The following PRKN variants were observed in gnomAD, a reference collection of about 807,000 sequenced individuals.
PRKN encodes E3 ubiquitin-protein ligase parkin.
Under a neutral mutation model 59.5 loss-of-function variants are expected in PRKN, and 56 were observed. The ratio of observed to expected loss-of-function variants is 0.94; its 90% CI spans 0.76 to 1.18. The LOEUF is 1.18. Ranked by LOEUF, PRKN falls within the 50% of genes most tolerant of loss-of-function variation. The pLI is 0.00. For synonymous variants in PRKN, 250 were observed against 222.1 expected (o/e 1.13, Z -1.12); for missense variants, 657 against 596.4 (o/e 1.10, Z -1.06).
chr6:162,603,678 A>G (rs1368124860), intron 1 of PRKN, among the ~76,000 whole-genome samples: 1 of 152,234 alleles, frequency 6.6e-6, no homozygotes, highest in Non-Finnish European at 1.5e-5. Flanking sequence ...ATTGCAAAAG[A>G]AAAGTTTTAA....
At chr6:161,351,843 C>T (rs1784564904) in intron 11 of PRKN, among the ~76,000 whole-genome samples, 1 of 152,166 alleles carries the variant, frequency 6.6e-6, no homozygotes, top group African/African-American at 2.4e-5. Context: ...TCACCAAGGT[C>T]TGTGTGATTC....
chr6:162,421,910 A>C (rs1441960757), intron 2 of PRKN, among the ~76,000 whole-genome samples: 3 of 152,232 alleles, frequency 2.0e-5, no homozygotes, highest in Non-Finnish European at 4.4e-5. Context: ...TATAAAATAA[A>C]AATAATTTAT....
intron 2 of PRKN, among the ~76,000 whole-genome samples, chr6:162,311,484 T>C (rs905583112): frequency 4.8e-5 from 7 of 146,494 alleles, no homozygotes; most frequent in Admixed American, 2.0e-4. Flanking sequence ...TTTTTTCCTT[T>C]TTTTTTTTTT....
At chr6:162,667,052 A>G (rs1779129617) in intron 1 of PRKN, among the ~76,000 whole-genome samples, 1 of 152,132 alleles carries the variant, frequency 6.6e-6, no homozygotes, top group African/African-American at 2.4e-5. Flanking sequence ...ATCAAGTACA[A>G]TAAAGAAAAT....
Position 161,484,492 on chromosome 6 carries a change from T to C in PRKN, c.1083+64362A>G, listed in dbSNP as rs1012323121. 6.6e-6 allele frequency among the ~76,000 whole-genome samples: 1 copy of C among 152,160 alleles called. No homozygotes were observed. The highest frequency in any genetic ancestry group is 1.5e-5 in the Non-Finnish European group (1 of 68,030). On this transcript the variant is annotated intron_variant, in intron 9 of 11. Transcript: ENST00000366898. The surrounding 1 kb of genome is among the most constrained non-coding windows in gnomAD (Gnocchi z 4.9). Reference sequence around the variant, plus strand: ...TCGATTAGTTTCATTTTTACAACCATCTTTGCCCTGTGAAATAGGACATGG... The same window carrying C: ...TCGATTAGTTTCATTTTTACAACCACCTTTGCCCTGTGAAATAGGACATGG...
At position 162,083,016 on chromosome 6, in the gene PRKN, G is replaced by A. The variant is rs190372718; in HGVS notation, c.535-28842C>T. On this transcript the variant is annotated intron_variant, in intron 4 of 11. Transcript: ENST00000366898. ...TATTGCTCAGGCTGGATGCAGTGGC[G>A]CGATGTCAGCTCACTGCAACCTCTG... is the stretch of plus-strand genomic sequence containing the variant. Among the ~76,000 whole-genome samples, 57 of 151,962 alleles carry A rather than the reference G, an allele frequency of 3.8e-4. 1 individual carries two copies. The highest frequency in any genetic ancestry group is 1.5e-3 in the South Asian group (7 of 4,804).
At chr6:161,780,986 CT>C (rs1444720378) in intron 7 of PRKN, among the ~76,000 whole-genome samples, 2 of 152,172 alleles carry the variant, frequency 1.3e-5, no homozygotes, top group Non-Finnish European at 2.9e-5. Context: ...ACAAACCGAA[CT>C]ATATTTTCTC....
intron 7 of PRKN, among the ~76,000 whole-genome samples, chr6:161,716,389 T>A (rs756509597): frequency 1.3e-5 from 2 of 152,128 alleles, no homozygotes; most frequent in Admixed American, 6.5e-5. Context: ...CCTAAATGTA[T>A]AGAAATCTGT....
intron 1 of PRKN, among the ~76,000 whole-genome samples, chr6:162,575,572 G>A (rs1044674006): frequency 3.9e-5 from 6 of 152,114 alleles, no homozygotes; most frequent in Non-Finnish European, 8.8e-5. Context: ...TAGTCTCTAT[G>A]CTGATACATG....
intron 5 of PRKN, among the ~76,000 whole-genome samples, chr6:162,022,824 T>G (rs1783260016): frequency 6.6e-6 from 1 of 152,192 alleles, no homozygotes; most frequent in African/African-American, 2.4e-5. Context: ...CATCTTGAGT[T>G]AATTTTTGCA....
chr6:162,091,659 G>A (rs1343964972), intron 4 of PRKN, among the ~76,000 whole-genome samples: 1 of 152,134 alleles, frequency 6.6e-6, no homozygotes, highest in Non-Finnish European at 1.5e-5. Flanking sequence ...CACCTTGATT[G>A]GAAACAGAGA....
In PRKN at chr6:162,073,767, A is replaced by G. The variant is rs529704359; in HGVS notation, c.535-19593T>C. Among the ~76,000 whole-genome samples the G allele has an allele frequency of 1.6e-4, 24 of 152,314 alleles. 1 individual carries two copies. The South Asian group carries it at 4.8e-3, about 30-fold the overall frequency. On this transcript the variant is annotated intron_variant, in intron 4 of 11. Transcript: ENST00000366898. ...GCCCTCAGCCCTCTACAGCTTTTAAAACATAATTTGGCAGATAATTCACTT... is the reference window on the plus strand; with the variant it reads ...GCCCTCAGCCCTCTACAGCTTTTAAGACATAATTTGGCAGATAATTCACTT...
intron 7 of PRKN, among the ~76,000 whole-genome samples, chr6:161,709,491 C>A (rs550206445): frequency 1.3e-5 from 2 of 152,266 alleles, no homozygotes; most frequent in South Asian, 4.1e-4. Context: ...AAATAATTCA[C>A]GTGGAAATTT....
chr6:162,467,789 C>T (rs996188105), intron 1 of PRKN, among the ~76,000 whole-genome samples: 1 of 151,276 alleles, frequency 6.6e-6, no homozygotes, highest in African/African-American at 2.4e-5. Context: ...CCCACTTGTC[C>T]TCCAGCCTCA....
chr6:161,844,777 C>A (rs35545044), intron 6 of PRKN, among the ~76,000 whole-genome samples: 73 of 152,204 alleles, frequency 4.8e-4, no homozygotes, highest in African/African-American at 1.5e-3. Context: ...CCTCCACCCC[C>A]ACCCCGGAAG....
chr6:161,969,290 T>C (rs1780709950), intron 6 of PRKN, among the ~76,000 whole-genome samples: 1 of 148,210 alleles, frequency 6.7e-6, no homozygotes, highest in Non-Finnish European at 1.5e-5. Context: ...TTTTTTTAAC[T>C]GTGAGTAAAT....
chr6:162,620,147 T>C (rs1782604448), intron 1 of PRKN, among the ~76,000 whole-genome samples: 1 of 152,120 alleles, frequency 6.6e-6, no homozygotes, highest in Non-Finnish European at 1.5e-5. Context: ...TTTCCTATTC[T>C]ACCTCCTGAC....
intron 9 of PRKN, among the ~76,000 whole-genome samples, chr6:161,485,590 C>T (rs537018227): frequency 1.4e-4 from 21 of 152,148 alleles, no homozygotes; most frequent in Non-Finnish European, 2.2e-4. Context: ...TAGAGGAATA[C>T]GAAGATGTTT....
intron 1 of PRKN, among the ~76,000 whole-genome samples, chr6:162,587,859 T>A (rs1486110575): frequency 2.0e-5 from 3 of 151,986 alleles, no homozygotes; most frequent in Non-Finnish European, 4.4e-5. Context: ...TCATGCAGAA[T>A]AAAGGGAGAG....
Sources: allele counts gnomAD v4.1 joint callset (sites outside exome capture counted in the v4.1 genomes callset), GRCh38; gene constraint gnomAD v4.1.1; non-coding constraint Gnocchi (gnomAD v3.1); transcripts MANE v1.5; gene names NCBI Gene and HGNC (gene_info 2026-07-23, HGNC 2026-07-21).